ACSL3: variants seen among roughly 807,000 people sequenced by gnomAD.
ACSL3 encodes acyl-CoA synthetase long chain family member 3.
Under a neutral mutation model 84.7 loss-of-function variants are expected in ACSL3, and 34 were observed. That is an observed-to-expected ratio of 0.40 (90% confidence interval 0.31 to 0.53). ACSL3 has a LOEUF of 0.53. ACSL3 is among the 20% of genes least tolerant of loss of function. The pLI is 0.48. For missense variants in ACSL3, 680 were observed against 873.1 expected, an observed-to-expected ratio of 0.78 and a Z score of 2.79; for synonymous variants, 315 against 299.4, an observed-to-expected ratio of 1.05 and a Z score of -0.54.
At chr2:222,884,030 A>G (rs1476115873) in intron 1 of ACSL3, among the ~76,000 whole-genome samples, 4 of 152,038 alleles carry the variant, frequency 2.6e-5, no homozygotes, top group Non-Finnish European at 5.9e-5. Flanking sequence ...CATTTCCTAC[A>G]TTGTCTGTTT....
chr2:222,877,985 G>C (rs574186366), intron 1 of ACSL3, among the ~76,000 whole-genome samples: 11 of 151,682 alleles, frequency 7.3e-5, no homozygotes, highest in South Asian at 2.1e-4. Context: ...TTTCTTTTGA[G>C]CTCCTTCAGG....
Position 222,901,127 on chromosome 2 carries a change from A to G in ACSL3, c.-41+347A>G, listed in dbSNP as rs1400783109. 3.9e-5 allele frequency among the ~76,000 whole-genome samples: 6 copies of G among 152,198 alleles called. No individual in the cohort carries two copies. In the East Asian group the frequency reaches 9.6e-4, roughly 24 times the overall value. ...AAAAATTGCCATTTGATCCAAGAAG[A>G]TTTCTCAGAAAATGCCAGAACTAGT... On this transcript the variant is annotated intron_variant, in intron 3 of 16. Coordinates refer to ENST00000357430, the MANE Select transcript of ACSL3 (RefSeq NM_004457.5).
chr2:222,928,752 G>C, intron 12 of ACSL3, 110 bp from the exon 13 acceptor site: 2 of 914,968 alleles, frequency 2.2e-6, no homozygotes, highest in South Asian at 3.0e-5. Flanking sequence ...TTAAGGAATA[G>C]CTGGGGATAC....
chr2:222,903,719 T>A (rs1453036310), intron 3 of ACSL3, among the ~76,000 whole-genome samples: 2 of 152,244 alleles, frequency 1.3e-5, no homozygotes, highest in Non-Finnish European at 2.9e-5. Flanking sequence ...CCAACATGCT[T>A]GCTCTCCTGA....
intron 8 of ACSL3, among the ~76,000 whole-genome samples, chr2:222,922,124 C>T (rs1336465570): frequency 3.3e-5 from 5 of 152,002 alleles, no homozygotes; most frequent in Non-Finnish European, 7.4e-5. Flanking sequence ...GCCTCAGTTA[C>T]CTTCTATATT....
At chr2:222,934,450 C>A in intron 15 of ACSL3, 80 bp from the exon 16 acceptor site, 2 of 1,184,004 alleles carry the variant, frequency 1.7e-6, no homozygotes, top group Non-Finnish European at 2.2e-6. Context: ...GAGTTATTTA[C>A]TACTTGTCAC....
intron 16 of ACSL3, among the ~76,000 whole-genome samples, chr2:222,940,864 A>G (rs1302698476): frequency 1.3e-5 from 2 of 152,002 alleles, no homozygotes; most frequent in East Asian, 1.9e-4. Flanking sequence ...ATGCGTGACT[A>G]TATTGGATAC....
chr2:222,931,183 C>T (rs1697022522), intron 14 of ACSL3, among the ~76,000 whole-genome samples: 1 of 152,114 alleles, frequency 6.6e-6, no homozygotes, highest in African/African-American at 2.4e-5. Flanking sequence ...AGTACTATGA[C>T]TCATATGGGT....
At chr2:222,898,828 A>G (rs919485867) in intron 2 of ACSL3, among the ~76,000 whole-genome samples, 4 of 152,204 alleles carry the variant, frequency 2.6e-5, no homozygotes, top group African/African-American at 4.8e-5. Flanking sequence ...CTCTGTCTCA[A>G]AAAACAAAAA....
At chr2:222,907,637 T>A (rs1299604130) in intron 3 of ACSL3, among the ~76,000 whole-genome samples, 1 of 151,924 alleles carries the variant, frequency 6.6e-6, no homozygotes, top group Non-Finnish European at 1.5e-5. Context: ...TGGTCACACA[T>A]GCCTGTAGTC....
At chr2:222,882,706 C>T (rs1330635017) in intron 1 of ACSL3, among the ~76,000 whole-genome samples, 1 of 151,286 alleles carries the variant, frequency 6.6e-6, no homozygotes, top group Admixed American at 6.6e-5. Flanking sequence ...GAATTCCTGC[C>T]TTACAGGAAG....
At chr2:222,894,229 AAC>A (rs1695915268) in intron 2 of ACSL3, among the ~76,000 whole-genome samples, 1 of 152,250 alleles carries the variant, frequency 6.6e-6, no homozygotes, top group African/African-American at 2.4e-5. Context: ...AGATCTGAAT[AAC>A]ACAAAATCCT....
chr2:222,863,779 A>C (rs972669514), intron 1 of ACSL3, among the ~76,000 whole-genome samples: 1 of 152,194 alleles, frequency 6.6e-6, no homozygotes, highest in African/African-American at 2.4e-5. Flanking sequence ...AGATTGTTAA[A>C]AATATATAAA....
intron 5 of ACSL3, among the ~76,000 whole-genome samples, chr2:222,916,837 A>G (rs1416337014): frequency 2.0e-5 from 3 of 152,150 alleles, no homozygotes; most frequent in Non-Finnish European, 1.5e-5. Context: ...TATCAGTAAC[A>G]ACAGTTGACC....
At chr2:222,924,708 A>C (rs1696828951) in intron 11 of ACSL3, 113 bp downstream of exon 11, 1 of 1,218,200 alleles carries the variant, frequency 8.2e-7, no homozygotes, top group Non-Finnish European at 1.1e-6. Context: ...TATTTCATAA[A>C]GTCAAGAGAA....
intron 2 of ACSL3, among the ~76,000 whole-genome samples, chr2:222,899,697 G>C (rs1559287628): frequency 6.6e-6 from 1 of 152,130 alleles, no homozygotes; most frequent in East Asian, 1.9e-4. Flanking sequence ...GGAGGAACGC[G>C]CCCACCCTGG....
intron 1 of ACSL3, among the ~76,000 whole-genome samples, chr2:222,869,719 A>G (rs1695249752): frequency 6.6e-6 from 1 of 152,160 alleles, no homozygotes; most frequent in South Asian, 2.1e-4. Context: ...TGAGGAAGGT[A>G]TTCACATAGG....
At chr2:222,877,141 G>T (rs1254185729) in intron 1 of ACSL3, among the ~76,000 whole-genome samples, 1 of 152,166 alleles carries the variant, frequency 6.6e-6, no homozygotes, top group Non-Finnish European at 1.5e-5. Flanking sequence ...CAGGCAGGGG[G>T]AGGCCTGATA....
At chr2:222,916,292 TAAAA>T (rs71408546) in intron 4 of ACSL3, 23 bp from the exon 5 acceptor site, 4 of 1,404,532 alleles carry the variant, frequency 2.8e-6, no homozygotes, top group Non-Finnish European at 2.8e-6. Context: ...TTGATTACAT[TAAAA>T]AAATTTTTTT....
Sources: allele counts gnomAD v4.1 joint callset (sites outside exome capture counted in the v4.1 genomes callset), GRCh38; gene constraint gnomAD v4.1.1; transcripts MANE v1.5; gene names NCBI Gene and HGNC (gene_info 2026-07-23, HGNC 2026-07-21).